SDK1: variants seen among roughly 807,000 people sequenced by gnomAD.
SDK1 encodes the protein protein sidekick-1.
In SDK1, 157 loss-of-function variants were observed where a neutral mutation model predicts 245.5. The observed-to-expected ratio is 0.64, with a 90% CI of 0.56 to 0.73. SDK1 has a LOEUF of 0.73. Ranked by LOEUF, SDK1 falls within the 30% of genes least tolerant of loss-of-function variation. SDK1 has a pLI of 0.00. For synonymous variants in SDK1, 1,647 were observed against 1,278.5 expected (o/e 1.29, Z -6.15); for missense variants, 3,583 against 3,002.3 (o/e 1.19, Z -4.52).
chr7:3,563,400 G>T (rs143092630), intron 1 of SDK1, among the ~76,000 whole-genome samples: 6 of 152,148 alleles, frequency 3.9e-5, no homozygotes, highest in Non-Finnish European at 8.8e-5. Context: ...GAAATAAAAG[G>T]ATGGAAGAGA....
chr7:3,791,519 C>T (rs1267640292), intron 4 of SDK1, among the ~76,000 whole-genome samples: 1 of 152,102 alleles, frequency 6.6e-6, no homozygotes, highest in African/African-American at 2.4e-5. Context: ...GCAGAGGCTG[C>T]CATCCTGAGG....
chr7:3,483,009 C>G (rs1781565837), intron 1 of SDK1, among the ~76,000 whole-genome samples: 2 of 151,392 alleles, frequency 1.3e-5, no homozygotes, highest in Non-Finnish European at 2.9e-5. Flanking sequence ...TAAAATCACA[C>G]CAGTTTAATT....
intron 1 of SDK1, among the ~76,000 whole-genome samples, chr7:3,594,105 C>T (rs1780976746): frequency 6.6e-6 from 1 of 152,150 alleles, no homozygotes; most frequent in Non-Finnish European, 1.5e-5. Context: ...TCTCTATCTC[C>T]TCCTGCCTCT....
intron 1 of SDK1, among the ~76,000 whole-genome samples, chr7:3,566,307 C>T (rs1259393633): frequency 2.7e-5 from 4 of 148,270 alleles, no homozygotes; most frequent in Admixed American, 1.4e-4. Flanking sequence ...TCACTGCAAG[C>T]TCCCCCTCCC....
chr7:4,078,962 T>C (rs34785208), intron 21 of SDK1, among the ~76,000 whole-genome samples: 49,733 of 151,754 alleles, frequency 0.33, 11,473 homozygotes, highest in African/African-American at 0.66. Context: ...GGGTGTCACG[T>C]CGCCTGGGAG....
At chr7:3,660,022 C>G (rs1783304687) in intron 4 of SDK1, among the ~76,000 whole-genome samples, 1 of 152,058 alleles carries the variant, frequency 6.6e-6, no homozygotes, top group African/African-American at 2.4e-5. Context: ...TATCTGGTGA[C>G]AACAATTAAC....
At chr7:4,113,533 C>A (rs1218742616) in intron 24 of SDK1, 94 bp downstream of exon 24, 16 of 1,413,888 alleles carry the variant, frequency 1.1e-5, no homozygotes, top group African/African-American at 1.5e-5. Flanking sequence ...CTTAGTCACG[C>A]CTTTGTCCTA....
At chr7:3,546,061 C>A (rs556945647) in intron 1 of SDK1, among the ~76,000 whole-genome samples, 1 of 152,122 alleles carries the variant, frequency 6.6e-6, no homozygotes, top group African/African-American at 2.4e-5. Flanking sequence ...AACTTTTAAT[C>A]GTTGGGATGC....
At chr7:3,943,933 T>C (rs1180779405) in intron 5 of SDK1, among the ~76,000 whole-genome samples, 5 of 152,166 alleles carry the variant, frequency 3.3e-5, no homozygotes, top group African/African-American at 1.2e-4. Flanking sequence ...CCTCTGAAGC[T>C]ACCTGGCGCC....
intron 4 of SDK1, among the ~76,000 whole-genome samples, chr7:3,755,964 A>G (rs1248727237): frequency 6.6e-6 from 1 of 151,570 alleles, no homozygotes; most frequent in African/African-American, 2.4e-5. Context: ...CTCCTTTCAC[A>G]TGGCATAGCA....
At chr7:3,890,183 C>T (rs1457615683) in intron 5 of SDK1, among the ~76,000 whole-genome samples, 1 of 152,208 alleles carries the variant, frequency 6.6e-6, no homozygotes, top group African/African-American at 2.4e-5. Flanking sequence ...ATTCCAGATA[C>T]AGTGCTCTTT....
intron 1 of SDK1, among the ~76,000 whole-genome samples, chr7:3,592,104 T>A (rs1780895170): frequency 6.6e-6 from 1 of 152,220 alleles, no homozygotes; most frequent in Non-Finnish European, 1.5e-5. Context: ...ATGGAGGAAG[T>A]ATTTCAACCT....
chr7:3,465,188 A>C (rs529388470), intron 1 of SDK1, among the ~76,000 whole-genome samples: 2 of 152,238 alleles, frequency 1.3e-5, no homozygotes, highest in East Asian at 3.9e-4. Context: ...TGAGCCCTAG[A>C]GTGTGCTTTT....
chr7:3,678,889 A>G (rs926902437), intron 4 of SDK1, among the ~76,000 whole-genome samples: 1 of 152,182 alleles, frequency 6.6e-6, no homozygotes, highest in Non-Finnish European at 1.5e-5. Context: ...AAAATAATGA[A>G]CCTGACCTAA....
chr7:4,060,364 A>G (rs1329433360), intron 19 of SDK1, among the ~76,000 whole-genome samples: 2 of 152,228 alleles, frequency 1.3e-5, no homozygotes, highest in Non-Finnish European at 2.9e-5. Context: ...GAAAGATATA[A>G]TAAAGATCAG....
intron 44 of SDK1, among the ~76,000 whole-genome samples, chr7:4,258,706 C>G (rs1787776349): frequency 6.6e-6 from 1 of 152,122 alleles, no homozygotes; most frequent in South Asian, 2.1e-4. Context: ...ATCCAGTCAC[C>G]ACTTCTCTCG....
Position 4,268,543 on chromosome 7 carries a change from A to G in SDK1, c.*3159A>G. On this transcript the variant is annotated 3_prime_UTR_variant, in exon 45 of 45. Transcript: ENST00000404826. Reference sequence around the variant, plus strand: ...GGCCACACACGGAACGCGCCTCCACAGCCCCGGGAGGTGGCTCACTCTGTA... The same window carrying G: ...GGCCACACACGGAACGCGCCTCCACGGCCCCGGGAGGTGGCTCACTCTGTA... 7.9e-7 allele frequency: 1 copy of G among 1,272,382 alleles called. No homozygotes were observed. Among genetic ancestry groups the G allele is most frequent in the Non-Finnish European group, 1.0e-6 (1 of 973,064 alleles). The allele number at this position is 1,272,382 out of a possible 1,614,324, so 78.8% of individuals were successfully genotyped here.
intron 30 of SDK1, among the ~76,000 whole-genome samples, chr7:4,155,834 C>T (rs561312409): frequency 3.9e-5 from 6 of 152,220 alleles, no homozygotes; most frequent in Non-Finnish European, 5.9e-5. Flanking sequence ...GAGGCCGACT[C>T]GGTCCCTGTC....
chr7:3,448,817 T>G (rs1780424758), intron 1 of SDK1, among the ~76,000 whole-genome samples: 2 of 152,192 alleles, frequency 1.3e-5, no homozygotes, highest in African/African-American at 4.8e-5. Flanking sequence ...TAATGACTTT[T>G]TAAAAGCAGG....
Sources: allele counts gnomAD v4.1 joint callset (sites outside exome capture counted in the v4.1 genomes callset), GRCh38; gene constraint gnomAD v4.1.1; transcripts MANE v1.5; gene names NCBI Gene and HGNC (gene_info 2026-07-23, HGNC 2026-07-21).